The following RPSA2 variants were observed in gnomAD, a reference collection of about 807,000 sequenced individuals.
The protein encoded by RPSA2 is ribosomal protein SA 2.
the RPSA2 span, among the ~76,000 whole-genome samples, chr19:23,870,635 A>G: frequency 2.0e-5 from 3 of 152,200 alleles, no homozygotes; most frequent in Non-Finnish European, 4.4e-5. Context: ...GGAACTATCT[A>G]AAGTACCACA....
the RPSA2 span, chr19:23,827,729 T>G: frequency 6.3e-7 from 1 of 1,582,092 alleles, no homozygotes; most frequent in Non-Finnish European, 8.6e-7. Flanking sequence ...TGGCACCATT[T>G]CCCGTGAACA....
At chr19:23,859,295 T>A in the RPSA2 span, among the ~76,000 whole-genome samples, 21 of 152,194 alleles carry the variant, frequency 1.4e-4, no homozygotes, top group Non-Finnish European at 2.2e-4. Flanking sequence ...TCCCTACACT[T>A]ACCATTTATG....
the RPSA2 span, among the ~76,000 whole-genome samples, chr19:23,867,431 C>G: frequency 6.6e-6 from 1 of 152,090 alleles, no homozygotes; most frequent in African/African-American, 2.4e-5. Context: ...ACTTTAATAA[C>G]CTAGGATTTA....
the RPSA2 span, among the ~76,000 whole-genome samples, chr19:23,841,277 A>T: frequency 1.3e-5 from 2 of 152,204 alleles, no homozygotes; most frequent in South Asian, 4.1e-4. Context: ...ATCCTGGCTA[A>T]CATGGTGAAA....
chr19:23,863,148 C>A, the RPSA2 span, among the ~76,000 whole-genome samples: 3 of 152,134 alleles, frequency 2.0e-5, no homozygotes, highest in African/African-American at 7.2e-5. Context: ...GAAATAGAAA[C>A]ACTTAACCCC....
chr19:23,844,051 A>T, the RPSA2 span, among the ~76,000 whole-genome samples: 2 of 152,068 alleles, frequency 1.3e-5, no homozygotes, highest in African/African-American at 4.8e-5. Context: ...GAACCACCGC[A>T]CCTGGCCTCT....
chr19:23,819,272 TAGACTGGTC>T, the RPSA2 span: 8 of 152,310 alleles, frequency 5.3e-5, no homozygotes, highest in East Asian at 7.7e-4. Flanking sequence ...CCACCGTGTG[TAGACTGGTC>T]AGCTTCTGAA....
chr19:23,828,690 ATGT>A, the RPSA2 span, among the ~76,000 whole-genome samples: 9 of 151,396 alleles, frequency 5.9e-5, no homozygotes, highest in Non-Finnish European at 1.2e-4. Context: ...TTCAAGGGAA[ATGT>A]TGTATGAGCT....
chr19:23,763,669 A>T, the RPSA2 span, among the ~76,000 whole-genome samples: 1 of 152,262 alleles, frequency 6.6e-6, no homozygotes, highest in South Asian at 2.1e-4. Flanking sequence ...TGGTTTCGCC[A>T]TGGCGGAAGG....
At chr19:23,843,542 T>C in the RPSA2 span, among the ~76,000 whole-genome samples, 5 of 152,220 alleles carry the variant, frequency 3.3e-5, no homozygotes, top group Admixed American at 3.3e-4. Context: ...AGGTACTGCA[T>C]GATATACCTG....
the RPSA2 span, among the ~76,000 whole-genome samples, chr19:23,790,600 C>T: frequency 2.0e-5 from 3 of 152,086 alleles, no homozygotes; most frequent in East Asian, 1.9e-4. Flanking sequence ...GCAGACAGAG[C>T]GACTTCCAGG....
the RPSA2 span, among the ~76,000 whole-genome samples, chr19:23,805,901 T>C: frequency 6.6e-6 from 1 of 152,282 alleles, no homozygotes; most frequent in Middle Eastern, 3.4e-3. Flanking sequence ...CGACTTCTTA[T>C]ATGCCGTGCA....
At chr19:23,824,626 C>G in the RPSA2 span, among the ~76,000 whole-genome samples, 1 of 95,298 alleles carries the variant, frequency 1.0e-5, no homozygotes, top group Non-Finnish European at 1.9e-5. Context: ...CTCTTAAACT[C>G]TTAGTCTCTA....
the RPSA2 span, among the ~76,000 whole-genome samples, chr19:23,779,822 C>T: frequency 1.8e-4 from 27 of 152,234 alleles, no homozygotes; most frequent in African/African-American, 6.3e-4. Context: ...TACTTCAGGC[C>T]CCAGCCACCA....
the RPSA2 span, among the ~76,000 whole-genome samples, chr19:23,791,588 C>T: frequency 6.6e-6 from 1 of 152,182 alleles, no homozygotes; most frequent in Admixed American, 6.5e-5. Flanking sequence ...CCCCTCATCC[C>T]ATATTCCTCC....
the RPSA2 span, among the ~76,000 whole-genome samples, chr19:23,866,490 CA>C: frequency 6.6e-6 from 1 of 151,158 alleles, no homozygotes; most frequent in South Asian, 2.1e-4. Flanking sequence ...GACCTCAGGA[CA>C]AAAAGGATCT....
chr19:23,855,473 G>A, the RPSA2 span, among the ~76,000 whole-genome samples: 1 of 152,172 alleles, frequency 6.6e-6, no homozygotes, highest in Non-Finnish European at 1.5e-5. Flanking sequence ...TTGTATCCGA[G>A]CATCAGGAGG....
the RPSA2 span, among the ~76,000 whole-genome samples, chr19:23,839,238 A>G: frequency 6.6e-6 from 1 of 152,080 alleles, no homozygotes; most frequent in Non-Finnish European, 1.5e-5. Context: ...ATGTATTTGC[A>G]TGGTTTTGAA....
the RPSA2 span, among the ~76,000 whole-genome samples, chr19:23,853,810 G>T: frequency 6.6e-5 from 10 of 152,316 alleles, no homozygotes; most frequent in East Asian, 1.9e-3. Flanking sequence ...CAGGGCCAGT[G>T]CAAGGCAAGA....
Sources: gnomAD v4.1 joint callset for allele counts (sites outside exome capture counted in the v4.1 genomes callset) on GRCh38, gnomAD v4.1.1 for gene constraint, MANE v1.5 for transcripts, NCBI Gene and HGNC (gene_info 2026-07-23, HGNC 2026-07-21) for gene names.